Variants in SEPTIN9 observed in about 807,000 individuals in gnomAD.
The protein encoded by SEPTIN9 is septin-9.
In SEPTIN9, 13 loss-of-function variants were observed where a neutral mutation model predicts 56.6. That is an observed-to-expected ratio of 0.23 (90% CI 0.15 to 0.37). SEPTIN9 has a LOEUF of 0.37. SEPTIN9 is among the 10% of genes least tolerant of loss of function. The pLI is 1.00. For synonymous variants in SEPTIN9, 332 were observed against 334.1 expected (o/e 0.99, Z 0.07); for missense variants, 650 against 823.1 (o/e 0.79, Z 2.57).
chr17:77,399,615 A>G (rs992029022), intron 2 of SEPTIN9, among the ~76,000 whole-genome samples: 1 of 152,128 alleles, frequency 6.6e-6, no homozygotes, highest in Non-Finnish European at 1.5e-5. Context: ...CGGGGGCGGT[A>G]ATAATATTCT....
intron 3 of SEPTIN9, among the ~76,000 whole-genome samples, chr17:77,407,019 A>G (rs946022257): frequency 6.6e-6 from 1 of 150,708 alleles, no homozygotes; most frequent in African/African-American, 2.5e-5. Context: ...GCAGTGGCTC[A>G]TGCCTGTAAA....
chr17:77,320,855 C>A (rs947285177), intron 2 of SEPTIN9, among the ~76,000 whole-genome samples: 2 of 152,252 alleles, frequency 1.3e-5, no homozygotes, highest in Admixed American at 6.5e-5. Context: ...GCTCCCGGCG[C>A]TCAGAGGAGC....
rs369829942 is a variant in SEPTIN9 at position 77,450,300 on chromosome 17, G to A, written c.722-31844G>A. ...CCAGCCACGTGTGGGGGTGCGGGATGGGAAAGGTAAGAGTGTGTGGAGCCC... is the reference window on the plus strand; with the variant it reads ...CCAGCCACGTGTGGGGGTGCGGGATAGGAAAGGTAAGAGTGTGTGGAGCCC... On this transcript the variant is annotated intron_variant, in intron 3 of 11. Coordinates refer to ENST00000427177, the MANE Select transcript of SEPTIN9 (RefSeq NM_001113491.2). This position sits in a 1 kb window ranked among gnomAD's most constrained non-coding sequence, Gnocchi z 6.0. Among the ~76,000 whole-genome samples the A allele has an allele frequency of 1.3e-5, 2 of 152,290 alleles. No individual in the cohort carries two copies. Among genetic ancestry groups the A allele is most frequent in the African/African-American group, 4.8e-5 (2 of 41,570 alleles).
At chr17:77,412,085 G>C (rs868863943) in intron 3 of SEPTIN9, among the ~76,000 whole-genome samples, 1 of 147,992 alleles carries the variant, frequency 6.8e-6, no homozygotes, top group African/African-American at 2.5e-5. Flanking sequence ...AGCCAAGATC[G>C]TGCCATTGCA....
chr17:77,467,558 T>C (rs554370328), intron 3 of SEPTIN9, among the ~76,000 whole-genome samples: 2 of 152,274 alleles, frequency 1.3e-5, no homozygotes, highest in African/African-American at 4.8e-5. Context: ...ACACTGACCA[T>C]TTCCTGAAGA....
chr17:77,461,207 G>A (rs972202764), intron 3 of SEPTIN9, among the ~76,000 whole-genome samples: 1 of 152,158 alleles, frequency 6.6e-6, no homozygotes, highest in Non-Finnish European at 1.5e-5. Flanking sequence ...TCGGGAGGCT[G>A]AGGCAGGAGA....
At chr17:77,485,294 G>T (rs897916136) in intron 4 of SEPTIN9, among the ~76,000 whole-genome samples, 19 of 146,554 alleles carry the variant, frequency 1.3e-4, no homozygotes, top group Admixed American at 1.3e-3. Flanking sequence ...GTGTTGATGG[G>T]GGTGATGATG....
intron 3 of SEPTIN9, among the ~76,000 whole-genome samples, chr17:77,452,562 G>A (rs937598869): frequency 1.3e-5 from 2 of 152,160 alleles, no homozygotes; most frequent in African/African-American, 2.4e-5. Context: ...TATGCCACCC[G>A]GAAGCAGGTT....
chr17:77,305,068 G>C (rs1237079070), intron 1 of SEPTIN9, among the ~76,000 whole-genome samples: 1 of 152,156 alleles, frequency 6.6e-6, no homozygotes. Flanking sequence ...GGCAGATGCT[G>C]GCCCTTCCAT....
At chr17:77,373,363 A>T (rs973405405) in intron 2 of SEPTIN9, 3 of 1,200,582 alleles carry the variant, frequency 2.5e-6, no homozygotes, top group Admixed American at 4.6e-5. Flanking sequence ...CAGGGGGCCT[A>T]GGGGCTCCTC....
At chr17:77,403,877 G>C (rs1320425319) in intron 3 of SEPTIN9, among the ~76,000 whole-genome samples, 4 of 152,110 alleles carry the variant, frequency 2.6e-5, no homozygotes, top group Admixed American at 2.6e-4. Context: ...GTCCATCTCC[G>C]GTACCCTTTT....
chr17:77,338,908 T>G (rs994412646), intron 2 of SEPTIN9, among the ~76,000 whole-genome samples: 1 of 152,244 alleles, frequency 6.6e-6, no homozygotes, highest in East Asian at 1.9e-4. Context: ...TCTTTTGTTG[T>G]CATTTCAACA....
At chr17:77,394,444 CA>C (rs2035639531) in intron 2 of SEPTIN9, among the ~76,000 whole-genome samples, 3 of 152,182 alleles carry the variant, frequency 2.0e-5, no homozygotes, top group African/African-American at 7.2e-5. Context: ...CCTAGATAGC[CA>C]GTGTTTCTTC....
intron 2 of SEPTIN9, among the ~76,000 whole-genome samples, chr17:77,393,252 G>A (rs531193460): frequency 2.2e-4 from 34 of 152,298 alleles, no homozygotes; most frequent in Non-Finnish European, 3.8e-4. Flanking sequence ...ACTGCAGACC[G>A]TGCCCCCAGC....
At position 77,301,517 on chromosome 17, in the gene SEPTIN9, C is replaced by T. The variant is rs140596844; in HGVS notation, c.20-5624C>T. Among the ~76,000 whole-genome samples the T allele has an allele frequency of 4.4e-3, 665 of 152,160 alleles. 2 individuals are homozygous for T. Among genetic ancestry groups the T allele is most frequent in the East Asian group, 0.018 (95 of 5,170 alleles). ...TCGGCTCACTGCAACCTCCGCCTCT[C>T]GGGCTCAAGTGCTTCTTCTGCCTCA... On this transcript the variant is annotated intron_variant, in intron 1 of 11. Coordinates refer to ENST00000427177, the MANE Select transcript of SEPTIN9 (RefSeq NM_001113491.2).
intron 3 of SEPTIN9, chr17:77,454,039 C>G (rs1249368656): frequency 1.2e-5 from 11 of 956,354 alleles, no homozygotes; most frequent in African/African-American, 1.8e-5. Flanking sequence ...GGCTTCCGCC[C>G]TCTCTCCCTG....
chr17:77,431,755 G>A (rs1036040144), intron 3 of SEPTIN9, among the ~76,000 whole-genome samples: 2 of 151,652 alleles, frequency 1.3e-5, no homozygotes, highest in South Asian at 2.1e-4. Context: ...GCTTGAGCCC[G>A]GGAGGTAGAG....
intron 2 of SEPTIN9, among the ~76,000 whole-genome samples, chr17:77,355,371 CAT>C (rs1216005152): frequency 1.3e-5 from 2 of 152,214 alleles, no homozygotes; most frequent in Non-Finnish European, 2.9e-5. Context: ...TTGTCAGCCA[CAT>C]GTGTGTGAAG....
chr17:77,492,333 T>C lies in SEPTIN9; in HGVS notation c.1381-288T>C, dbSNP rs1020917720. ...GAGGTCTCGGTAACCCTGAGTACTT[T>C]CTTGGGGCTGTGATGAGCAGGAGAA... On this transcript the variant is annotated intron_variant, in intron 8 of 11. Coordinates refer to ENST00000427177, the MANE Select transcript of SEPTIN9 (RefSeq NM_001113491.2). This position sits in a 1 kb window ranked among gnomAD's most constrained non-coding sequence, Gnocchi z 5.4. 3.3e-5 allele frequency among the ~76,000 whole-genome samples: 5 copies of C among 152,086 alleles called. No homozygotes were observed. Among genetic ancestry groups the C allele is most frequent in the African/African-American group, 1.2e-4 (5 of 41,410 alleles).
Sources: gnomAD v4.1 joint callset for allele counts (sites outside exome capture counted in the v4.1 genomes callset) on GRCh38, gnomAD v4.1.1 for gene constraint, Gnocchi (gnomAD v3.1) non-coding constraint, MANE v1.5 for transcripts, NCBI Gene and HGNC (gene_info 2026-07-23, HGNC 2026-07-21) for gene names.